CTNNBIP1: variants seen among roughly 807,000 people sequenced by gnomAD.
CTNNBIP1 encodes the protein beta-catenin-interacting protein 1.
Under a neutral mutation model 11.8 loss-of-function variants are expected in CTNNBIP1, and 7 were observed. That is an observed-to-expected ratio of 0.60 (90% confidence interval 0.34 to 1.12). The LOEUF (loss-of-function observed/expected upper bound fraction) is 1.12, where lower values mean the gene tolerates loss of function less well. Among genes scored for constraint, CTNNBIP1 ranks in the 50% most tolerant of loss-of-function variants. The pLI, the probability that CTNNBIP1 is intolerant of heterozygous loss-of-function variation, is 0.03. For synonymous variants in CTNNBIP1, 58 were observed against 43.9 expected (o/e 1.32, Z -1.26); for missense variants, 101 against 113.4 (o/e 0.89, Z 0.50).
At position 9,849,958 on chromosome 1, in the gene CTNNBIP1, C is replaced by G. The variant is rs952166740; in HGVS notation, c.*760G>C. On this transcript the variant is annotated 3_prime_UTR_variant, in exon 6 of 6. Coordinates refer to ENST00000377263, the MANE Select transcript of CTNNBIP1 (RefSeq NM_020248.3). ...GTCCCCTTGCTGGTGGAGGCAGGTG[C>G]ACTCATTAAAGCAAATGTACTCTCC... The G allele has an allele frequency of 6.6e-6, 1 of 152,364 alleles. No homozygotes were observed. Among genetic ancestry groups the G allele is most frequent in the African/African-American group, 2.4e-5 (1 of 41,414 alleles). 9.4% of individuals were successfully genotyped at this position (152,364 alleles called of 1,614,324 possible).
At chr1:9,896,731 G>C (rs893080714) in intron 1 of CTNNBIP1, among the ~76,000 whole-genome samples, 1 of 151,954 alleles carries the variant, frequency 6.6e-6, no homozygotes, top group African/African-American at 2.4e-5. Context: ...CACTTTGAGA[G>C]ACCAAGGTGG....
At chr1:9,854,145 C>T (rs1420227045) in intron 5 of CTNNBIP1, among the ~76,000 whole-genome samples, 2 of 152,096 alleles carry the variant, frequency 1.3e-5, no homozygotes, top group African/African-American at 4.8e-5. Flanking sequence ...GAGGCAGAGG[C>T]AGGTGGATCA....
At chr1:9,887,790 G>A (rs530806909) in intron 1 of CTNNBIP1, among the ~76,000 whole-genome samples, 91 of 152,010 alleles carry the variant, frequency 6.0e-4, no homozygotes, top group African/African-American at 2.1e-3. Flanking sequence ...AGATTAATTC[G>A]AAAATAAGGC....
In CTNNBIP1 at chr1:9,872,539, C is replaced by A. The variant is rs571821420; in HGVS notation, c.-24-451G>T. 1.3e-5 allele frequency among the ~76,000 whole-genome samples: 2 copies of A among 152,326 alleles called. No individual in the cohort carries two copies. Among genetic ancestry groups the A allele is most frequent in the South Asian group, 4.1e-4 (2 of 4,826 alleles). Reference sequence around the variant, plus strand: ...AGGCAACTGGTTAGGGCCTTTGGCTCGAGAAACTGTGAGATCAGTGCCCAG... The same window carrying A: ...AGGCAACTGGTTAGGGCCTTTGGCTAGAGAAACTGTGAGATCAGTGCCCAG... On this transcript the variant is annotated intron_variant, in intron 3 of 5. Coordinates refer to ENST00000377263, the MANE Select transcript of CTNNBIP1 (RefSeq NM_020248.3). The surrounding 1 kb of genome is among the most constrained non-coding windows in gnomAD (Gnocchi z 4.0).
chr1:9,871,856 CG>C lies in CTNNBIP1; in HGVS notation c.96+112del. ...CAGGCCCAGCGGCCCCTCCTCAGCC[CG>C]TGGCTCCGCAGGAGGCAGCCGCAGT... On this transcript the variant is annotated intron_variant, in intron 4 of 5. Coordinates refer to ENST00000377263, the MANE Select transcript of CTNNBIP1 (RefSeq NM_020248.3). The surrounding 1 kb of genome is among the most constrained non-coding windows in gnomAD (Gnocchi z 5.2). The C allele has an allele frequency of 1.1e-6, 1 of 870,878 alleles. No homozygotes were observed. The highest frequency in any genetic ancestry group is 1.9e-6 in the Non-Finnish European group (1 of 537,930). 53.9% of individuals were successfully genotyped at this position (870,878 alleles called of 1,614,324 possible). A position where few individuals can be genotyped will look rare whatever the true frequency, so the allele number is the denominator to read the frequency against.
At chr1:9,908,654 G>C (rs988318863) in intron 1 of CTNNBIP1, among the ~76,000 whole-genome samples, 6 of 152,150 alleles carry the variant, frequency 3.9e-5, no homozygotes, top group Non-Finnish European at 5.9e-5. Flanking sequence ...GAGCCACCGC[G>C]CCCGGCCACA....
At chr1:9,882,402 C>A (rs1299097945) in intron 2 of CTNNBIP1, among the ~76,000 whole-genome samples, 1 of 152,144 alleles carries the variant, frequency 6.6e-6, no homozygotes, top group Non-Finnish European at 1.5e-5. Context: ...AGACAAAGAA[C>A]ATGAAGGTTA....
In CTNNBIP1 at chr1:9,867,987, A is replaced by G. The variant is rs1025452025; in HGVS notation, c.187+3200T>C. ...CTGGGCTGATTGCAGTTCTGCTGTT[A>G]TTGTTGTTGTGTTTGTTTGTGGTGT... On this transcript the variant is annotated intron_variant, in intron 5 of 5. Coordinates refer to ENST00000377263, the MANE Select transcript of CTNNBIP1 (RefSeq NM_020248.3). The surrounding 1 kb of genome is among the most constrained non-coding windows in gnomAD (Gnocchi z 4.6). 2.0e-5 allele frequency among the ~76,000 whole-genome samples: 3 copies of G among 152,124 alleles called. No homozygotes were observed. The highest frequency in any genetic ancestry group is 7.2e-5 in the African/African-American group (3 of 41,410).
chr1:9,904,469 C>T (rs1639580717), intron 1 of CTNNBIP1, among the ~76,000 whole-genome samples: 1 of 152,112 alleles, frequency 6.6e-6, no homozygotes, highest in African/African-American at 2.4e-5. Flanking sequence ...TACCCAACTC[C>T]GCTCAGCCCA....
intron 5 of CTNNBIP1, among the ~76,000 whole-genome samples, chr1:9,858,324 C>T (rs1375101190): frequency 6.6e-6 from 1 of 152,172 alleles, no homozygotes; most frequent in Non-Finnish European, 1.5e-5. Context: ...GCTTCTACTG[C>T]AAGACTGCTC....
At chr1:9,863,760 G>A (rs1300457593) in intron 5 of CTNNBIP1, among the ~76,000 whole-genome samples, 1 of 152,206 alleles carries the variant, frequency 6.6e-6, no homozygotes, top group African/African-American at 2.4e-5. Context: ...CATGAAGGAA[G>A]TGAAAGAACA....
rs911510607 is a variant in CTNNBIP1 at position 9,871,765 on chromosome 1, G to A, written c.96+204C>T. On this transcript the variant is annotated intron_variant, in intron 4 of 5. Coordinates refer to ENST00000377263, the MANE Select transcript of CTNNBIP1 (RefSeq NM_020248.3). This position sits in a 1 kb window ranked among gnomAD's most constrained non-coding sequence, Gnocchi z 5.2. ...TGGCCCCAATCCGGCAGTGTCGGGT[G>A]TCCCCAGAACTTGACGTGCTGGGCT... Among the ~76,000 whole-genome samples, 1 of 152,152 alleles carries A rather than the reference G, an allele frequency of 6.6e-6. No individual in the cohort carries two copies. The highest frequency in any genetic ancestry group is 6.5e-5 in the Admixed American group (1 of 15,290).
At chr1:9,884,430 C>G (rs1336588437) in intron 1 of CTNNBIP1, among the ~76,000 whole-genome samples, 1 of 152,026 alleles carries the variant, frequency 6.6e-6, no homozygotes, top group Non-Finnish European at 1.5e-5. Flanking sequence ...AGCCCCAGGC[C>G]TCCCAACAGA....
chr1:9,861,734 T>C (rs1638631363), intron 5 of CTNNBIP1, among the ~76,000 whole-genome samples: 1 of 152,166 alleles, frequency 6.6e-6, no homozygotes. Flanking sequence ...AGGAGGCAGC[T>C]AAAGGCCCTC....
At chr1:9,893,917 AAG>A (rs1283974199) in intron 1 of CTNNBIP1, among the ~76,000 whole-genome samples, 1 of 152,202 alleles carries the variant, frequency 6.6e-6, no homozygotes, top group Non-Finnish European at 1.5e-5. Context: ...AGAAGTTCCT[AAG>A]AGAGAGGGAA....
In CTNNBIP1 at chr1:9,851,598, C is replaced by G. The variant is rs950534810; in HGVS notation, c.188-822G>C. Among the ~76,000 whole-genome samples the G allele has an allele frequency of 1.4e-4, 21 of 152,164 alleles. No homozygotes were observed. The highest frequency in any genetic ancestry group is 1.8e-4 in the Non-Finnish European group (12 of 68,020). On this transcript the variant is annotated intron_variant, in intron 5 of 5. Transcript: ENST00000377263. The surrounding 1 kb of genome is among the most constrained non-coding windows in gnomAD (Gnocchi z 4.8). The stretch of plus-strand genomic sequence containing the variant: ...ATGTTGGTCAGGCTGGTCTCAAACT[C>G]CTGACCTCATGATCCACCCACCTCG...
chr1:9,907,736 C>A (rs1174807593), intron 1 of CTNNBIP1, among the ~76,000 whole-genome samples: 1 of 152,212 alleles, frequency 6.6e-6, no homozygotes, highest in East Asian at 1.9e-4. Flanking sequence ...AACTCTCAGT[C>A]TCCAAAGTTT....
chr1:9,894,496 G>C (rs1016497415), intron 1 of CTNNBIP1, among the ~76,000 whole-genome samples: 32 of 150,362 alleles, frequency 2.1e-4, no homozygotes, highest in Admixed American at 7.9e-4. Context: ...GCTAGGATTA[G>C]AGGTGTGCAC....
At chr1:9,899,455 CAAAAAAAA>C (rs754593503) in intron 1 of CTNNBIP1, among the ~76,000 whole-genome samples, 13 of 65,696 alleles carry the variant, frequency 2.0e-4, no homozygotes, top group South Asian at 1.6e-3. Flanking sequence ...GACTCCATCT[CAAAAAAAA>C]AAAAAAAAAA....
Sources: allele counts gnomAD v4.1 joint callset (sites outside exome capture counted in the v4.1 genomes callset), GRCh38; gene constraint gnomAD v4.1.1; non-coding constraint Gnocchi (gnomAD v3.1); transcripts MANE v1.5; gene names NCBI Gene and HGNC (gene_info 2026-07-23, HGNC 2026-07-21).